PCYT2: variants seen among roughly 807,000 people sequenced by gnomAD.
PCYT2 encodes the protein phosphate cytidylyltransferase 2, ethanolamine.
Under a neutral mutation model 50.0 loss-of-function variants are expected in PCYT2, and 33 were observed. The observed-to-expected ratio is 0.66, with a 90% confidence interval of 0.50 to 0.88. The LOEUF is 0.88. Among genes scored for constraint, PCYT2 ranks in the 40% least tolerant of loss-of-function variants. The pLI, the probability that PCYT2 is intolerant of heterozygous loss-of-function variation, is 0.00. For synonymous variants in PCYT2, 240 were observed against 203.7 expected, an observed-to-expected ratio of 1.18 and a Z score of -1.52; for missense variants, 430 against 519.7, an observed-to-expected ratio of 0.83 and a Z score of 1.68.
intron 3 of PCYT2, 98 bp from the exon 4 acceptor site, chr17:81,908,732 G>A (rs1385955415): frequency 1.4e-5 from 19 of 1,317,130 alleles, no homozygotes; most frequent in South Asian, 2.4e-5. Context: ...CCTAGTGTCC[G>A]CGTGCCCATT....
Position 81,908,919 on chromosome 17 carries a change from T to C in PCYT2, c.297A>G (p.Leu99=). Residue 99 remains leucine (L), a synonymous_variant, in exon 3 of 13, where the codon CTA becomes CTG. Coordinates refer to ENST00000538936, the MANE Select transcript of PCYT2 (RefSeq NM_002861.5). ...CACAGTTGTATTTGTCCAGGGTCTC[T>C]AGTGTAGTGACGTAGGGAGCCGCTG... ...VVPAAPYVTT[L]ETLDKYNCDF... 6.2e-7 allele frequency: 1 copy of C among 1,613,878 alleles called. No individual in the cohort carries two copies. The highest frequency in any genetic ancestry group is 8.5e-7 in the Non-Finnish European group (1 of 1,179,868).
At position 81,906,615 on chromosome 17, in the gene PCYT2, AG is replaced by A. The variant is rs759002122; in HGVS notation, c.677-70del. On this transcript the variant is annotated intron_variant, in intron 7 of 12. Transcript: ENST00000538936. ...GCAGCTCCCTGACAGCTCATGCCCA[AG>A]GGCCTCCCCGCCATCCTCCCTGCTG... 2.7e-4 allele frequency: 426 copies of A among 1,575,320 alleles called. 5 individuals carry two copies. The highest frequency in any genetic ancestry group is 3.1e-5 in the Non-Finnish European group (35 of 1,146,002).
rs1452992918 is a variant in PCYT2 at position 81,904,881 on chromosome 17, G to A, written c.1122C>T (p.Ala374=). 7 of 1,612,850 alleles carry A rather than the reference G, an allele frequency of 4.3e-6. No homozygotes were observed. Among genetic ancestry groups the A allele is most frequent in the African/African-American group, 2.7e-5 (2 of 74,930 alleles). ...EAKELAFLEA[A]RQQAAQPLGE... is the part of the protein sequence containing the mutation. ...CCAGGGGCTGTGCCGCCTGCTGCCTGGCAGCCTCCAGGAAGGCCAGCTCCT... is the reference window on the plus strand; with the variant it reads ...CCAGGGGCTGTGCCGCCTGCTGCCTAGCAGCCTCCAGGAAGGCCAGCTCCT... The change falls in exon 13 of 13, where the codon GCC becomes GCT. Residue 374 remains alanine, a synonymous_variant. Coordinates refer to ENST00000538936, the MANE Select transcript of PCYT2 (RefSeq NM_002861.5).
chr17:81,905,200 T>A (rs781759511), intron 11 of PCYT2, 46 bp from the exon 12 acceptor site: 2 of 1,515,878 alleles, frequency 1.3e-6, no homozygotes, highest in African/African-American at 2.7e-5. Flanking sequence ...CCTGCTGACC[T>A]CCCCAAGACC....
In PCYT2 at chr17:81,909,243, C is replaced by T. The variant is rs554077724; in HGVS notation, c.179-206G>A. On this transcript the variant is annotated intron_variant, in intron 2 of 12. Transcript: ENST00000538936. ...TCTCAGGCAAAGGCAGAGATTCCTT[C>T]TGACGAGCAGGTGCTCAGCCCCTGA... The T allele has an allele frequency of 1.4e-5, 20 of 1,430,626 alleles. No homozygotes were observed. In the South Asian group the frequency reaches 2.7e-4, roughly 19 times the overall value. 88.6% of individuals were successfully genotyped at this position (1,430,626 alleles called of 1,614,324 possible).
rs1482028377 is a variant in PCYT2, at chr17:81,901,809, A to T, written c.*3024T>A. The T allele has an allele frequency of 6.5e-6, 1 of 152,960 alleles. No individual in the cohort carries two copies. Among genetic ancestry groups the T allele is most frequent in the Non-Finnish European group, 1.5e-5 (1 of 68,560 alleles). 9.5% of individuals were successfully genotyped at this position (152,960 alleles called of 1,614,324 possible). Reference sequence around the variant, plus strand: ...GGCATGAAAGAAATGAGGGCCCCACAAGCCACATGGACTCTGATGCCTGGA... The same window carrying T: ...GGCATGAAAGAAATGAGGGCCCCACTAGCCACATGGACTCTGATGCCTGGA... On this transcript the variant is annotated 3_prime_UTR_variant, in exon 13 of 13. Coordinates refer to ENST00000538936, the MANE Select transcript of PCYT2 (RefSeq NM_002861.5).
intron 10 of PCYT2, 22 bp downstream of exon 10, chr17:81,905,648 G>A: frequency 1.2e-6 from 2 of 1,609,584 alleles, no homozygotes; most frequent in Non-Finnish European, 8.5e-7. Context: ...AGGGAACGAG[G>A]TGAGCCCATG....
chr17:81,909,120 T>A, intron 2 of PCYT2, 83 bp from the exon 3 acceptor site: 1 of 1,551,708 alleles, frequency 6.4e-7, no homozygotes, highest in South Asian at 1.2e-5. Context: ...CACCCAGCTG[T>A]AGCCACACAA....
rs753437206 is a variant in PCYT2, at chr17:81,905,351, CCT to C, written c.969+29_969+30del. 40 of 1,540,966 alleles carry C rather than the reference CCT, an allele frequency of 2.6e-5. 1 individual carries two copies. Among genetic ancestry groups the C allele is most frequent in the Non-Finnish European group, 4.4e-6 (5 of 1,137,748 alleles). On this transcript the variant is annotated intron_variant, in intron 11 of 12. Transcript: ENST00000538936. The stretch of plus-strand genomic sequence containing the variant: ...TGGCTGGGAGGTGCCAATGGCAACC[CCT>C]GTGCCCAGCAAGGGCCAGCATGACC...
chr17:81,910,701 C>T (rs1000057746), intron 1 of PCYT2, among the ~76,000 whole-genome samples: 5 of 152,260 alleles, frequency 3.3e-5, no homozygotes, highest in African/African-American at 1.2e-4. Flanking sequence ...ATCCGGCAGG[C>T]ACGTGAAAGG....
intron 6 of PCYT2, chr17:81,907,335 G>T: frequency 7.2e-7 from 1 of 1,388,602 alleles, no homozygotes; most frequent in Non-Finnish European, 9.7e-7. Context: ...TCCAAGCAGT[G>T]GCTGCCGTGA....
intron 2 of PCYT2, 48 bp downstream of exon 2, chr17:81,909,466 C>T (rs758970827): frequency 3.2e-6 from 5 of 1,566,400 alleles, no homozygotes; most frequent in Non-Finnish European, 4.4e-6. Context: ...AGTCGCAACC[C>T]ACAGGAGGGC....
At position 81,901,498 on chromosome 17, in the gene PCYT2, A is replaced by C. The variant is rs1433574522; in HGVS notation, c.*3335T>G. The C allele has an allele frequency of 6.6e-6, 1 of 152,404 alleles. No homozygotes were observed. The highest frequency in any genetic ancestry group is 6.5e-5 in the Admixed American group (1 of 15,290). 9.4% of individuals were successfully genotyped at this position (152,404 alleles called of 1,614,324 possible). On this transcript the variant is annotated 3_prime_UTR_variant, in exon 13 of 13. Coordinates refer to ENST00000538936, the MANE Select transcript of PCYT2 (RefSeq NM_002861.5). ...ACCCAGAAACAAGTGCCAGGGCTCC[A>C]GTGCCAGTGCCTGTCCTGGGAAGAT...
Position 81,902,669 on chromosome 17 carries a change from T to C in PCYT2, c.*2164A>G, listed in dbSNP as rs1293986292. 6.2e-7 allele frequency: 1 copy of C among 1,607,490 alleles called. No individual in the cohort carries two copies. Among genetic ancestry groups the C allele is most frequent in the Admixed American group, 1.7e-5 (1 of 59,792 alleles). Reference sequence around the variant, plus strand: ...CCAAACCTGCAGAGGTGCGAGCGGCTCCCCGACGGCCGCGGGACCTACCAG... The same window carrying C: ...CCAAACCTGCAGAGGTGCGAGCGGCCCCCCGACGGCCGCGGGACCTACCAG... On this transcript the variant is annotated 3_prime_UTR_variant, in exon 13 of 13. Transcript: ENST00000538936.
rs1346967457 is a variant in PCYT2 at position 81,902,455 on chromosome 17, A to G, written c.*2378T>C. ...GTACGCGCGGCGCTCCCAGCCCTAC[A>G]GAGGGGCGGAACCCCCGGGCGGGGC... On this transcript the variant is annotated 3_prime_UTR_variant, in exon 13 of 13. Transcript: ENST00000538936. The G allele has an allele frequency of 7.2e-7, 1 of 1,385,000 alleles. No homozygotes were observed. Among genetic ancestry groups the G allele is most frequent in the Non-Finnish European group, 9.3e-7 (1 of 1,079,012 alleles). 85.8% of individuals were successfully genotyped at this position (1,385,000 alleles called of 1,614,324 possible). A position where few individuals can be genotyped will look rare whatever the true frequency, so the allele number is the denominator to read the frequency against.
At chr17:81,909,086 C>T in intron 2 of PCYT2, 49 bp from the exon 3 acceptor site, 1 of 1,579,924 alleles carries the variant, frequency 6.3e-7, no homozygotes, top group Non-Finnish European at 8.6e-7. Flanking sequence ...CACCCGGCCC[C>T]TCCAGTAGGA....
intron 7 of PCYT2, 64 bp downstream of exon 7, chr17:81,906,696 G>C (rs2040289601): frequency 6.2e-7 from 1 of 1,600,224 alleles, no homozygotes; most frequent in Non-Finnish European, 8.5e-7. Context: ...AAGGAGTCAA[G>C]TGAGGCCCCC....
In PCYT2 at chr17:81,906,350, T is replaced by A. The variant is rs571750709; in HGVS notation, c.759+114A>T. ...CCTACGATCACCCCCCAGGGTCTCCTGTGACTTCACCTGGGGCCCCTTCCC... is the reference window on the plus strand; with the variant it reads ...CCTACGATCACCCCCCAGGGTCTCCAGTGACTTCACCTGGGGCCCCTTCCC... On this transcript the variant is annotated intron_variant, in intron 8 of 12. Transcript: ENST00000538936. 2.5e-6 allele frequency: 3 copies of A among 1,199,658 alleles called. No homozygotes were observed. The East Asian group carries it at 7.2e-5, about 29-fold the overall frequency. 74.3% of individuals were successfully genotyped at this position (1,199,658 alleles called of 1,614,324 possible).
At chr17:81,905,991 C>T in intron 9 of PCYT2, 109 bp downstream of exon 9, 1 of 984,324 alleles carries the variant, frequency 1.0e-6, no homozygotes, top group Middle Eastern at 2.5e-4. Context: ...CTGGGTGCAG[C>T]TCTGCCAGTG....
Sources: allele counts gnomAD v4.1 joint callset (sites outside exome capture counted in the v4.1 genomes callset), GRCh38; gene constraint gnomAD v4.1.1; transcripts MANE v1.5; gene names NCBI Gene and HGNC (gene_info 2026-07-23, HGNC 2026-07-21).